ZBTB7C: variants seen among roughly 807,000 people sequenced by gnomAD.
The protein encoded by ZBTB7C is zinc finger and BTB domain-containing protein 7C.
Under a neutral mutation model 25.7 loss-of-function variants are expected in ZBTB7C, and 8 were observed. That is an observed-to-expected ratio of 0.31 (90% CI 0.18 to 0.56). The LOEUF (loss-of-function observed/expected upper bound fraction) is 0.56. Ranked by LOEUF, ZBTB7C falls within the 20% of genes least tolerant of loss-of-function variation. ZBTB7C has a pLI of 0.91. For synonymous variants in ZBTB7C, 394 were observed against 369.0 expected, an observed-to-expected ratio of 1.07 and a Z score of -0.78; for missense variants, 824 against 855.2, an observed-to-expected ratio of 0.96 and a Z score of 0.46.
intron 3 of ZBTB7C, among the ~76,000 whole-genome samples, chr18:48,113,118 C>T (rs1352793944): frequency 6.6e-6 from 1 of 152,208 alleles, no homozygotes; most frequent in East Asian, 1.9e-4. Context: ...TTGAGGATGT[C>T]CTTCCTGTTG....
chr18:48,044,649 C>A (rs910349907), intron 3 of ZBTB7C, among the ~76,000 whole-genome samples: 3 of 152,180 alleles, frequency 2.0e-5, no homozygotes, highest in African/African-American at 7.2e-5. Flanking sequence ...CAAGGGGGAC[C>A]CATCAGATAC....
intron 3 of ZBTB7C, among the ~76,000 whole-genome samples, chr18:48,164,751 T>G (rs905541218): frequency 6.6e-6 from 1 of 152,114 alleles, no homozygotes; most frequent in East Asian, 1.9e-4. Flanking sequence ...GTGAATAACT[T>G]AACCACTGTA....
At chr18:48,396,093 T>C (rs1482922520) in intron 1 of ZBTB7C, among the ~76,000 whole-genome samples, 4 of 152,156 alleles carry the variant, frequency 2.6e-5, no homozygotes, top group Admixed American at 6.5e-5. Context: ...TTTTACAACC[T>C]TTCTCTCCAT....
chr18:48,284,995 G>A (rs2044998989), intron 2 of ZBTB7C, among the ~76,000 whole-genome samples: 1 of 152,180 alleles, frequency 6.6e-6, no homozygotes, highest in South Asian at 2.1e-4. Context: ...GTTGCATGAT[G>A]GTAGAGAATG....
chr18:48,040,413 C>G lies in ZBTB7C; in HGVS notation c.695G>C (p.Arg232Thr), dbSNP rs779974095. 1.2e-6 allele frequency: 2 copies of G among 1,611,136 alleles called. No individual in the cohort carries two copies. Among genetic ancestry groups the G allele is most frequent in the South Asian group, 2.2e-5 (2 of 90,604 alleles). ...IRDFSIESLL[R>T]ENLYPKANIP... is the part of the protein sequence containing the mutation. ...GTTGGCCTTGGGGTACAGGTTCTCC[C>G]TTAGCAGAGATTCGATGGAGAAGTC... is the stretch of plus-strand genomic sequence containing the variant. The change falls in exon 4 of 5, where the codon AGG becomes ACG. Residue 232 changes from arginine to threonine, a missense_variant. Coordinates refer to ENST00000590800, the MANE Select transcript of ZBTB7C (RefSeq NM_001318841.2).
chr18:48,337,335 A>G (rs1418290409), intron 2 of ZBTB7C, among the ~76,000 whole-genome samples: 1 of 152,220 alleles, frequency 6.6e-6, no homozygotes, highest in Admixed American at 6.5e-5. Context: ...GGAAGTTGCC[A>G]GGGTGGTACC....
chr18:48,151,381 T>A (rs1348224716), intron 3 of ZBTB7C, among the ~76,000 whole-genome samples: 1 of 152,110 alleles, frequency 6.6e-6, no homozygotes, highest in Non-Finnish European at 1.5e-5. Flanking sequence ...TTAGATGAGA[T>A]TCTTAGAAGG....
chr18:48,273,218 G>A (rs16949019), intron 2 of ZBTB7C, among the ~76,000 whole-genome samples: 9,793 of 152,002 alleles, frequency 0.064, 596 homozygotes, highest in East Asian at 0.18. Context: ...CGATCATAAA[G>A]CTCATATGGA....
intron 2 of ZBTB7C, among the ~76,000 whole-genome samples, chr18:48,240,167 A>G (rs1425019464): frequency 6.6e-6 from 1 of 152,068 alleles, no homozygotes; most frequent in Non-Finnish European, 1.5e-5. Context: ...AACAAAGAAA[A>G]AAAAATTTTA....
Position 48,029,867 on chromosome 18 carries a change from C to T in ZBTB7C, c.1253G>A (p.Arg418Gln). Residue 418 changes from arginine (R) to glutamine (Q), a missense_variant, in exon 5 of 5, where the codon CGG (arginine) becomes CAG (glutamine). Transcript: ENST00000590800. ...GTTGCAGTGGATGCACAGGTAGGGC[C>T]GCTCCCCTGTGTGCTTCCGCATGTG... is the stretch of plus-strand genomic sequence containing the variant. The part of the protein sequence containing the change: ...KIHMRKHTGE[R>Q]PYLCIHCNAK... The T allele has an allele frequency of 3.1e-6, 5 of 1,611,480 alleles. No individual in the cohort carries two copies. Among genetic ancestry groups the T allele is most frequent in the East Asian group, 4.5e-5 (2 of 44,882 alleles).
At chr18:48,255,933 C>G (rs1010073110) in intron 2 of ZBTB7C, among the ~76,000 whole-genome samples, 2 of 151,992 alleles carry the variant, frequency 1.3e-5, no homozygotes, top group Admixed American at 1.3e-4. Flanking sequence ...GAATACATAG[C>G]AAGAGAGGTT....
intron 2 of ZBTB7C, among the ~76,000 whole-genome samples, chr18:48,262,291 A>T (rs1238576709): frequency 6.6e-6 from 1 of 152,058 alleles, no homozygotes; most frequent in Admixed American, 6.6e-5. Context: ...GCCTCAGGAG[A>T]GTTCAGTGAA....
At position 48,257,479 on chromosome 18, in the gene ZBTB7C, AAAG is replaced by A. The variant is rs1483392010; in HGVS notation, c.-78-71487_-78-71485del. 2.0e-5 allele frequency among the ~76,000 whole-genome samples: 3 copies of A among 152,296 alleles called. No homozygotes were observed. In the East Asian group the frequency reaches 5.8e-4, roughly 29 times the overall value. On this transcript the variant is annotated intron_variant, in intron 2 of 4. Coordinates refer to ENST00000590800, the MANE Select transcript of ZBTB7C (RefSeq NM_001318841.2). The stretch of plus-strand genomic sequence containing the variant: ...GCTTCACTGGTAAATTCTACTATTT[AAAG>A]AAGAAATTATACTAATTCTACATGA...
intron 3 of ZBTB7C, among the ~76,000 whole-genome samples, chr18:48,169,547 C>T (rs1410892448): frequency 2.0e-5 from 3 of 152,086 alleles, no homozygotes; most frequent in Non-Finnish European, 4.4e-5. Context: ...ATGAGGGAGC[C>T]GAGGGTCAGA....
intron 3 of ZBTB7C, among the ~76,000 whole-genome samples, chr18:48,184,838 T>G (rs78836309): frequency 0.043 from 6,562 of 151,928 alleles, 170 homozygotes; most frequent in Middle Eastern, 0.1. Flanking sequence ...TCTCTCTCTC[T>G]CTCTGTCTTT....
At chr18:48,400,726 G>C (rs1031398929) in intron 1 of ZBTB7C, among the ~76,000 whole-genome samples, 2 of 152,140 alleles carry the variant, frequency 1.3e-5, no homozygotes, top group Non-Finnish European at 2.9e-5. Context: ...GGATATACTG[G>C]GTTAAATAAA....
At chr18:48,204,780 A>G (rs2042539888) in intron 2 of ZBTB7C, among the ~76,000 whole-genome samples, 1 of 152,096 alleles carries the variant, frequency 6.6e-6, no homozygotes, top group Non-Finnish European at 1.5e-5. Context: ...CTCCCAACAC[A>G]TCCCAGCTAT....
At chr18:48,159,276 C>T (rs1383869630) in intron 3 of ZBTB7C, among the ~76,000 whole-genome samples, 1 of 152,124 alleles carries the variant, frequency 6.6e-6, no homozygotes, top group Non-Finnish European at 1.5e-5. Flanking sequence ...GTGTGAATCC[C>T]GGTGGTCTTC....
intron 3 of ZBTB7C, among the ~76,000 whole-genome samples, chr18:48,126,401 G>T (rs2039800394): frequency 6.6e-6 from 1 of 152,152 alleles, no homozygotes; most frequent in African/African-American, 2.4e-5. Context: ...TATGAGAGCG[G>T]CGCTCTGAGG....
Sources: gnomAD v4.1 joint callset for allele counts (sites outside exome capture counted in the v4.1 genomes callset) on GRCh38, gnomAD v4.1.1 for gene constraint, MANE v1.5 for transcripts, NCBI Gene and HGNC (gene_info 2026-07-23, HGNC 2026-07-21) for gene names.